Variants in DDAH1 observed in about 807,000 individuals in gnomAD.
The protein encoded by DDAH1 is dimethylarginine dimethylaminohydrolase 1, also known as N(G),N(G)-dimethylarginine dimethylaminohydrolase 1.
Under a neutral mutation model 28.8 loss-of-function variants are expected in DDAH1, and 19 were observed. The ratio of observed to expected loss-of-function variants is 0.66; its 90% CI spans 0.46 to 0.97. The LOEUF is 0.97. Ranked by LOEUF, DDAH1 falls within the 50% of genes least tolerant of loss-of-function variation. DDAH1 has a pLI of 0.00. For synonymous variants in DDAH1, 153 were observed against 154.4 expected, an observed-to-expected ratio of 0.99 and a Z score of 0.07; for missense variants, 326 against 375.9, an observed-to-expected ratio of 0.87 and a Z score of 1.10.
intron 4 of DDAH1, among the ~76,000 whole-genome samples, chr1:85,345,410 GT>G (rs1648785695): frequency 6.6e-6 from 1 of 151,646 alleles, no homozygotes; most frequent in Non-Finnish European, 1.5e-5. Flanking sequence ...GGAAATGCAG[GT>G]TGCTCTAAAA....
chr1:85,373,915 TTGG>T (rs1254359713), intron 1 of DDAH1, among the ~76,000 whole-genome samples: 3 of 152,154 alleles, frequency 2.0e-5, no homozygotes, highest in South Asian at 2.1e-4. Context: ...CTGTGGTTGG[TTGG>T]TGGAAAATGG....
chr1:85,401,413 C>A (rs571141862), intron 1 of DDAH1, among the ~76,000 whole-genome samples: 1 of 151,652 alleles, frequency 6.6e-6, no homozygotes, highest in African/African-American at 2.4e-5. Flanking sequence ...TTTATATTTA[C>A]TTTTAGGAAA....
In DDAH1 at chr1:85,328,476, C is replaced by T. The variant is rs564910525; in HGVS notation, c.598-3593G>A. Among the ~76,000 whole-genome samples the T allele has an allele frequency of 1.9e-4, 29 of 152,164 alleles. No individual in the cohort carries two copies. In the East Asian group the frequency reaches 5.4e-3, roughly 28 times the overall value. Reference sequence around the variant, plus strand: ...GCTTTTGGTCAGTCTCACAAACGTGCTTTTTTCCAGGTGCAGGGAATGGGA... The same window carrying T: ...GCTTTTGGTCAGTCTCACAAACGTGTTTTTTTCCAGGTGCAGGGAATGGGA... On this transcript the variant is annotated intron_variant, in intron 4 of 5. Transcript: ENST00000284031.
At position 85,423,831 on chromosome 1, in the gene DDAH1, C is replaced by T. The variant is rs1653264179; in HGVS notation, c.303+40912G>A. ...TAGGACTTTCTGTAGTTTTGAACAG[C>T]AGTGGTCAGAGAGGAAATCCTTGCT... On this transcript the variant is annotated intron_variant, in intron 1 of 5. Transcript: ENST00000284031. Among the ~76,000 whole-genome samples the T allele has an allele frequency of 2.0e-5, 3 of 152,278 alleles. No homozygotes were observed. The South Asian group carries it at 6.2e-4, about 32-fold the overall frequency.
chr1:85,354,457 T>C (rs1432903262), intron 2 of DDAH1, among the ~76,000 whole-genome samples: 3 of 152,126 alleles, frequency 2.0e-5, no homozygotes, highest in Admixed American at 6.5e-5. Context: ...TTGTTGATCA[T>C]TGCACAGATC....
chr1:85,574,844 G>A (rs905624793), intron 1 of DDAH1, among the ~76,000 whole-genome samples: 14 of 151,422 alleles, frequency 9.2e-5, no homozygotes, highest in Admixed American at 4.6e-4. Flanking sequence ...CCAGAAATTC[G>A]AGACCAGCCT....
chr1:85,419,591 T>C (rs1312724066), intron 1 of DDAH1, among the ~76,000 whole-genome samples: 1 of 142,130 alleles, frequency 7.0e-6, no homozygotes, highest in African/African-American at 2.6e-5. Context: ...AAATAAACTT[T>C]CTCTTTGGGA....
chr1:85,407,785 A>C (rs1224624412), intron 1 of DDAH1, among the ~76,000 whole-genome samples: 1 of 152,212 alleles, frequency 6.6e-6, no homozygotes, highest in African/African-American at 2.4e-5. Context: ...ATTATGTAAC[A>C]GATATCCCAT....
At chr1:85,351,060 G>GTTT (rs35352719) in intron 3 of DDAH1, among the ~76,000 whole-genome samples, 5 of 137,196 alleles carry the variant, frequency 3.6e-5, no homozygotes, top group African/African-American at 7.9e-5. Flanking sequence ...GGGTTTCCAA[G>GTTT]TTTTTTTTTT....
chr1:85,351,532 C>T lies in DDAH1; in HGVS notation c.451G>A (p.Ala151Thr). The change falls in exon 3 of 6, where the codon GCT (alanine) becomes ACT (threonine). Residue 151 changes from alanine to threonine, a missense_variant. Coordinates refer to ENST00000284031, the MANE Select transcript of DDAH1 (RefSeq NM_012137.4). ...GLSKRTNQRG[A>T]EILADTFKDY... ...TTAAAAGTATCAGCCAAGATTTCAG[C>T]ACCTCGTTGATTTGTCCTTTTGGAA... is the stretch of plus-strand genomic sequence containing the variant. 6.2e-7 allele frequency: 1 copy of T among 1,614,066 alleles called. No homozygotes were observed. Among genetic ancestry groups the T allele is most frequent in the African/African-American group, 1.3e-5 (1 of 75,018 alleles).
chr1:85,415,620 A>G (rs1652856402), intron 1 of DDAH1, among the ~76,000 whole-genome samples: 1 of 152,210 alleles, frequency 6.6e-6, no homozygotes. Context: ...CATAAAAAGT[A>G]TGATTCTATT....
chr1:85,479,066 A>C (rs596520), intron 2 of DDAH1, among the ~76,000 whole-genome samples: 47,606 of 151,822 alleles, frequency 0.31, 8,884 homozygotes, highest in South Asian at 0.44. Flanking sequence ...TTTGCTTTTA[A>C]AAGATTATTG....
At chr1:85,439,244 A>G (rs536762435) in intron 1 of DDAH1, among the ~76,000 whole-genome samples, 31 of 152,354 alleles carry the variant, frequency 2.0e-4, no homozygotes, top group African/African-American at 7.5e-4. Context: ...ACAATTCGCC[A>G]ACTAATCAGG....
intron 1 of DDAH1, among the ~76,000 whole-genome samples, chr1:85,456,620 G>A (rs573326752): frequency 3.0e-4 from 46 of 152,334 alleles, no homozygotes; most frequent in Middle Eastern, 3.4e-3. Flanking sequence ...GTAGTGTAGC[G>A]TGAGCTACAA....
chr1:85,348,367 C>T (rs897982206), intron 4 of DDAH1, among the ~76,000 whole-genome samples: 3 of 152,166 alleles, frequency 2.0e-5, no homozygotes, highest in Admixed American at 1.3e-4. Flanking sequence ...GGTCCAACAT[C>T]TCTGAAACAA....
rs1650162511 is a variant in DDAH1 at position 85,367,981 on chromosome 1, A to C, written c.304-9134T>G. ...CTCATTTAGGTATACAACAAAATTG[A>C]CAAGTAGTATCCAAAGAGTCAGTAA... On this transcript the variant is annotated intron_variant, in intron 1 of 5. Transcript: ENST00000284031. Among the ~76,000 whole-genome samples the C allele has an allele frequency of 2.6e-5, 4 of 152,218 alleles. No individual in the cohort carries two copies. In the South Asian group the frequency reaches 8.3e-4, roughly 31 times the overall value.
intron 1 of DDAH1, among the ~76,000 whole-genome samples, chr1:85,438,830 T>A (rs183439742): frequency 6.6e-6 from 1 of 152,228 alleles, no homozygotes; most frequent in Non-Finnish European, 1.5e-5. Context: ...TAGATACTTT[T>A]GTTGAGCAGA....
At chr1:85,538,636 A>G (rs1236349645) in intron 1 of DDAH1, among the ~76,000 whole-genome samples, 3 of 152,216 alleles carry the variant, frequency 2.0e-5, no homozygotes, top group Admixed American at 6.5e-5. Flanking sequence ...GGGAAAAAAA[A>G]AAGAACAACT....
At position 85,324,890 on chromosome 1, in the gene DDAH1, A is replaced by G; in HGVS notation, c.598-7T>C. ...CACTCATCTGTTGCATGATCTATAAAGAGAAACAAAGCAGGCCTAAGAAGA... is the reference window on the plus strand; with the variant it reads ...CACTCATCTGTTGCATGATCTATAAGGAGAAACAAAGCAGGCCTAAGAAGA... On this transcript the variant is annotated splice_polypyrimidine_tract_variant and splice_region_variant and intron_variant, in intron 4 of 5. Transcript: ENST00000284031. 1 of 1,613,874 alleles carries G rather than the reference A, an allele frequency of 6.2e-7. No homozygotes were observed. The highest frequency in any genetic ancestry group is 8.5e-7 in the Non-Finnish European group (1 of 1,179,910).
Sources: gnomAD v4.1 joint callset for allele counts (sites outside exome capture counted in the v4.1 genomes callset) on GRCh38, gnomAD v4.1.1 for gene constraint, MANE v1.5 for transcripts, NCBI Gene and HGNC (gene_info 2026-07-23, HGNC 2026-07-21) for gene names.